ANO4: variants seen among roughly 807,000 people sequenced by gnomAD.
ANO4 encodes anoctamin-4.
Under a neutral mutation model 141.9 loss-of-function variants are expected in ANO4, and 69 were observed. The ratio of observed to expected loss-of-function variants is 0.49; its 90% CI spans 0.40 to 0.59. ANO4 has a LOEUF of 0.59. Ranked by LOEUF, ANO4 falls within the 20% of genes least tolerant of loss-of-function variation. The probability of loss-of-function intolerance (pLI) is 0.00; values close to 1 mark genes in which losing one functional copy is unlikely to be tolerated. For missense variants in ANO4, 894 were observed against 1,162.2 expected, an observed-to-expected ratio of 0.77 and a Z score of 3.36; for synonymous variants, 350 against 394.3, an observed-to-expected ratio of 0.89 and a Z score of 1.33.
chr12:101,000,131 CA>C (rs2045576276), intron 8 of ANO4, among the ~76,000 whole-genome samples: 1 of 151,350 alleles, frequency 6.6e-6, no homozygotes, highest in African/African-American at 2.4e-5. Flanking sequence ...TTATCATTAT[CA>C]TTATTACCAC....
At chr12:100,952,724 TC>T (rs1024395404) in intron 5 of ANO4, among the ~76,000 whole-genome samples, 7 of 152,300 alleles carry the variant, frequency 4.6e-5, no homozygotes, top group Admixed American at 2.0e-4. Context: ...GAAGGTGTTC[TC>T]CCTCCTTTCC....
At chr12:100,919,736 G>GTATCTATCTATCTATCTATC (rs371838179) in intron 2 of ANO4, among the ~76,000 whole-genome samples, 1 of 133,056 alleles carries the variant, frequency 7.5e-6, no homozygotes, top group Admixed American at 7.8e-5. Flanking sequence ...GTGTATGTAT[G>GTATCTATCTATCTATCTATC]TATCTATCTA....
chr12:100,989,777 GGA>G (rs1224990259), intron 8 of ANO4, among the ~76,000 whole-genome samples: 10 of 150,692 alleles, frequency 6.6e-5, no homozygotes, highest in African/African-American at 2.4e-4. Flanking sequence ...ATGGATGGAT[GGA>G]TGGATGGATG....
intron 2 of ANO4, among the ~76,000 whole-genome samples, chr12:100,919,206 GAAGA>G (rs1221375817): frequency 2.6e-5 from 4 of 152,016 alleles, no homozygotes; most frequent in Admixed American, 2.0e-4. Context: ...ATTTATTATT[GAAGA>G]AAGAAACATT....
intron 14 of ANO4, among the ~76,000 whole-genome samples, chr12:101,049,250 A>C (rs1457918588): frequency 6.6e-6 from 1 of 152,186 alleles, no homozygotes; most frequent in Non-Finnish European, 1.5e-5. Context: ...ACAAAATTCT[A>C]CTACCTTTAG....
chr12:100,993,357 T>A (rs950011202), intron 8 of ANO4, among the ~76,000 whole-genome samples: 2 of 152,162 alleles, frequency 1.3e-5, no homozygotes, highest in Admixed American at 6.5e-5. Flanking sequence ...AAAATTCTTA[T>A]TGTATGCCAG....
At chr12:101,032,357 G>A (rs901905465) in intron 9 of ANO4, among the ~76,000 whole-genome samples, 2 of 152,230 alleles carry the variant, frequency 1.3e-5, no homozygotes, top group Non-Finnish European at 1.5e-5. Context: ...AATAAATGGT[G>A]CTGGGAAAAC....
chr12:100,899,621 G>T lies in ANO4; in HGVS notation c.-140-2025G>T, dbSNP rs74459707. 2.6e-5 allele frequency among the ~76,000 whole-genome samples: 4 copies of T among 152,256 alleles called. No homozygotes were observed. The East Asian group carries it at 7.7e-4, about 29-fold the overall frequency. Reference sequence around the variant, plus strand: ...TTTGAGTCATCCTTCCTTAAGATTTGCTAGAGTTTACAAATTGGCCCAGGT... The same window carrying T: ...TTTGAGTCATCCTTCCTTAAGATTTTCTAGAGTTTACAAATTGGCCCAGGT... On this transcript the variant is annotated intron_variant, in intron 1 of 27. Coordinates refer to ENST00000392977, the MANE Select transcript of ANO4 (RefSeq NM_001286615.2).
intron 5 of ANO4, among the ~76,000 whole-genome samples, chr12:100,969,790 A>G (rs2043839258): frequency 6.6e-6 from 1 of 152,242 alleles, no homozygotes; most frequent in Non-Finnish European, 1.5e-5. Flanking sequence ...CCTAAACTAT[A>G]AAAACTTAAA....
intron 3 of ANO4, among the ~76,000 whole-genome samples, chr12:100,769,206 C>CT (rs1184673953): frequency 6.6e-6 from 1 of 152,220 alleles, no homozygotes; most frequent in East Asian, 1.9e-4. Context: ...TTCATCCTCA[C>CT]TTTCCTCATC....
At chr12:101,033,017 C>A (rs201263561) in intron 9 of ANO4, among the ~76,000 whole-genome samples, 1 of 151,632 alleles carries the variant, frequency 6.6e-6, no homozygotes, top group African/African-American at 2.4e-5. Context: ...CACATGCACA[C>A]GTATGTTTAT....
intron 3 of ANO4, among the ~76,000 whole-genome samples, chr12:100,766,160 G>A (rs2033071802): frequency 6.6e-6 from 1 of 151,980 alleles, no homozygotes; most frequent in Admixed American, 6.6e-5. Flanking sequence ...CTAGCATTCT[G>A]TCCTCCAGGT....
chr12:100,736,598 A>C (rs1026767862), intron 2 of ANO4, among the ~76,000 whole-genome samples: 3 of 152,158 alleles, frequency 2.0e-5, no homozygotes, highest in African/African-American at 7.2e-5. Context: ...TGTATCCCCC[A>C]AAAAGGTACT....
Position 100,958,525 on chromosome 12 carries a change from A to G in ANO4, c.457-12781A>G, listed in dbSNP as rs555771855. 7.9e-5 allele frequency among the ~76,000 whole-genome samples: 12 copies of G among 152,320 alleles called. No homozygotes were observed. The East Asian group carries it at 1.2e-3, about 15-fold the overall frequency. On this transcript the variant is annotated intron_variant, in intron 5 of 27. Transcript: ENST00000392977. ...AAACCGTGAACAATAAACATAATAA[A>G]TAAGTAAATAATACAGTATGTTAGA...
intron 1 of ANO4, among the ~76,000 whole-genome samples, chr12:100,833,067 G>A (rs10507119): frequency 9.9e-5 from 15 of 151,990 alleles, no homozygotes; most frequent in African/African-American, 2.4e-4. Flanking sequence ...TTTTCGCAAC[G>A]TATTTGTGAA....
chr12:101,083,789 A>G lies in ANO4; in HGVS notation c.1507A>G (p.Ile503Val). 6.3e-7 allele frequency: 1 copy of G among 1,577,126 alleles called. No homozygotes were observed. Among genetic ancestry groups the G allele is most frequent in the Non-Finnish European group, 8.5e-7 (1 of 1,170,536 alleles). ...ATTTACAGATAAATGCAGCAGACTTATCGTTTCTGCATCTGGAATATTTTT... is the reference window on the plus strand; with the variant it reads ...ATTTACAGATAAATGCAGCAGACTTGTCGTTTCTGCATCTGGAATATTTTT... ...QAFTDKCSRL[I>V]VSASGIFFMI... The change falls in exon 16 of 28, where the codon ATC (isoleucine) becomes GTC (valine). Residue 503 changes from isoleucine (I) to valine (V), a missense_variant. Transcript: ENST00000392977.
At chr12:100,897,965 A>G (rs2040422150) in intron 1 of ANO4, among the ~76,000 whole-genome samples, 1 of 152,204 alleles carries the variant, frequency 6.6e-6, no homozygotes, top group South Asian at 2.1e-4. Flanking sequence ...GGCTTAAAAC[A>G]ATGAGTGTTT....
chr12:101,017,717 G>T (rs778576762), intron 8 of ANO4, among the ~76,000 whole-genome samples: 1 of 152,176 alleles, frequency 6.6e-6, no homozygotes, highest in Admixed American at 6.5e-5. Context: ...GCTCAGTGAC[G>T]TTGGGTGCAT....
At position 100,880,849 on chromosome 12, in the gene ANO4, A is replaced by G. The variant is rs78030726; in HGVS notation, c.-140-20797A>G. 9.1e-4 allele frequency among the ~76,000 whole-genome samples: 138 copies of G among 152,242 alleles called. 1 individual carries two copies. Among genetic ancestry groups the G allele is most frequent in the African/African-American group, 3.2e-3 (134 of 41,540 alleles). ...GTCTGTCTGATCTTTGAAGATATCT[A>G]TGCATGGACCATTGGCTCTAAAATC... On this transcript the variant is annotated intron_variant, in intron 1 of 27. Coordinates refer to ENST00000392977, the MANE Select transcript of ANO4 (RefSeq NM_001286615.2).
Sources: allele counts gnomAD v4.1 joint callset (sites outside exome capture counted in the v4.1 genomes callset), GRCh38; gene constraint gnomAD v4.1.1; transcripts MANE v1.5; gene names NCBI Gene and HGNC (gene_info 2026-07-23, HGNC 2026-07-21).